The following PARN variants were observed in gnomAD, a reference collection of about 807,000 sequenced individuals.
PARN encodes poly(A)-specific ribonuclease PARN.
PARN carries 71 observed loss-of-function variants against 102.8 expected under a neutral mutation model. The ratio of observed to expected loss-of-function variants is 0.69; its 90% CI spans 0.57 to 0.84. The LOEUF (loss-of-function observed/expected upper bound fraction) is 0.84, where lower values mean the gene tolerates loss of function less well. PARN is among the 40% of genes least tolerant of loss of function. The pLI, the probability that PARN is intolerant of heterozygous loss-of-function variation, is 0.00. For synonymous variants in PARN, 261 were observed against 252.9 expected (o/e 1.03, Z -0.30); for missense variants, 782 against 760.9 (o/e 1.03, Z -0.33).
intron 18 of PARN, among the ~76,000 whole-genome samples, chr16:14,572,591 C>G (rs921111915): frequency 6.6e-6 from 1 of 152,176 alleles, no homozygotes; most frequent in Non-Finnish European, 1.5e-5. Context: ...ATTCAACCCT[C>G]CATACACTGC....
intron 22 of PARN, among the ~76,000 whole-genome samples, chr16:14,482,047 C>A (rs1596484612): frequency 6.6e-6 from 1 of 152,110 alleles, no homozygotes; most frequent in East Asian, 1.9e-4. Context: ...GGTTCTTGCA[C>A]AGAACTGGTG....
At chr16:14,464,627 C>T (rs1211291860) in intron 22 of PARN, among the ~76,000 whole-genome samples, 2 of 152,016 alleles carry the variant, frequency 1.3e-5, no homozygotes, top group Non-Finnish European at 2.9e-5. Flanking sequence ...CGTGGTGGCG[C>T]ACACCTGTAA....
intron 22 of PARN, among the ~76,000 whole-genome samples, chr16:14,467,409 C>A (rs1962425798): frequency 6.6e-6 from 1 of 152,166 alleles, no homozygotes; most frequent in Non-Finnish European, 1.5e-5. Context: ...GAAGACTCTT[C>A]CGGGGTTAAT....
intron 22 of PARN, among the ~76,000 whole-genome samples, chr16:14,457,933 T>TGTGTGTGTGGGG (rs1961762126): frequency 6.8e-6 from 1 of 146,370 alleles, no homozygotes; most frequent in Non-Finnish European, 1.5e-5. Context: ...TGTGTGTGGG[T>TGTGTGTGTGGGG]GTGTGTGTGT....
At chr16:14,617,257 A>G (rs1028767723) in intron 6 of PARN, among the ~76,000 whole-genome samples, 56 of 151,154 alleles carry the variant, frequency 3.7e-4, no homozygotes, top group Admixed American at 1.3e-3. Flanking sequence ...GGTGGCGGGC[A>G]CCTGTAGTCC....
Position 14,604,233 on chromosome 16 carries a change from G to C in PARN, c.703-7C>G, listed in dbSNP as rs1220303511. 3.9e-6 allele frequency: 6 copies of C among 1,525,098 alleles called. No individual in the cohort carries two copies. Among genetic ancestry groups the C allele is most frequent in the South Asian group, 3.6e-5 (3 of 82,842 alleles). The allele number at this position is 1,525,098 out of a possible 1,614,324, so 94.5% of individuals were successfully genotyped here. On this transcript the variant is annotated splice_region_variant and splice_polypyrimidine_tract_variant and intron_variant, in intron 10 of 23. Transcript: ENST00000437198. ...TAACTATATATCGCTCCTTCTAAAAGACATAAAGCAGATATACAATTTTCT... is the reference window on the plus strand; with the variant it reads ...TAACTATATATCGCTCCTTCTAAAACACATAAAGCAGATATACAATTTTCT...
At chr16:14,530,339 C>T (rs892939527) in intron 21 of PARN, among the ~76,000 whole-genome samples, 2 of 152,132 alleles carry the variant, frequency 1.3e-5, no homozygotes, top group Admixed American at 6.5e-5. Context: ...CTGCTTCCCC[C>T]CAGCCCACCA....
At chr16:14,483,363 G>A (rs905986051) in intron 21 of PARN, among the ~76,000 whole-genome samples, 3 of 152,120 alleles carry the variant, frequency 2.0e-5, no homozygotes, top group African/African-American at 7.2e-5. Context: ...TTGCAAGAGA[G>A]GAAATGTTTT....
At chr16:14,545,584 C>T (rs773163400) in intron 21 of PARN, among the ~76,000 whole-genome samples, 2 of 152,196 alleles carry the variant, frequency 1.3e-5, no homozygotes, top group Non-Finnish European at 2.9e-5. Context: ...TGGTTCAAGT[C>T]AATGACTTGC....
intron 8 of PARN, among the ~76,000 whole-genome samples, chr16:14,608,520 G>A (rs1971330176): frequency 6.6e-6 from 1 of 152,188 alleles, no homozygotes; most frequent in East Asian, 1.9e-4. Flanking sequence ...TTAATATTAT[G>A]CTGCTTTTAC....
intron 18 of PARN, among the ~76,000 whole-genome samples, chr16:14,578,829 T>A (rs1324165018): frequency 6.6e-6 from 1 of 152,150 alleles, no homozygotes; most frequent in Non-Finnish European, 1.5e-5. Flanking sequence ...CAACTACTCT[T>A]GGTATGCATC....
chr16:14,441,885 A>C (rs768259355), intron 23 of PARN, among the ~76,000 whole-genome samples: 3 of 152,190 alleles, frequency 2.0e-5, no homozygotes, highest in Admixed American at 2.0e-4. Context: ...TTAGGTTCTA[A>C]ATTTTTATAC....
chr16:14,559,466 T>C (rs1479351070), intron 18 of PARN, among the ~76,000 whole-genome samples: 1 of 152,074 alleles, frequency 6.6e-6, no homozygotes, highest in Non-Finnish European at 1.5e-5. Flanking sequence ...GTAGGGTACG[T>C]GAGATGTTTG....
intron 18 of PARN, among the ~76,000 whole-genome samples, chr16:14,558,096 G>A (rs749748550): frequency 1.3e-5 from 2 of 152,124 alleles, no homozygotes; most frequent in Non-Finnish European, 2.9e-5. Context: ...TTTAGAAATA[G>A]TCTCCAATTC....
At chr16:14,479,778 A>T (rs891484230) in intron 22 of PARN, among the ~76,000 whole-genome samples, 2 of 152,190 alleles carry the variant, frequency 1.3e-5, no homozygotes, top group African/African-American at 2.4e-5. Flanking sequence ...TCTTTTAAAC[A>T]AATTGTTAAA....
In PARN at chr16:14,440,052, C is replaced by A. The variant is rs142978780; in HGVS notation, c.1865-3280G>T. On this transcript the variant is annotated intron_variant, in intron 23 of 23. Coordinates refer to ENST00000437198, the MANE Select transcript of PARN (RefSeq NM_002582.4). ...CAACAACAACAACAAACCACCACCA[C>A]CAACAACAACAAAATGAAAAGAAAA... Among the ~76,000 whole-genome samples, 163 of 151,958 alleles carry A rather than the reference C, an allele frequency of 1.1e-3. 1 individual carries two copies. Among genetic ancestry groups the A allele is most frequent in the African/African-American group, 1.9e-3 (78 of 41,434 alleles).
At chr16:14,566,642 A>C (rs543317452) in intron 18 of PARN, among the ~76,000 whole-genome samples, 1 of 152,354 alleles carries the variant, frequency 6.6e-6, no homozygotes, top group South Asian at 2.1e-4. Context: ...ACTACAGAGG[A>C]GGCAAGTTGC....
chr16:14,458,759 C>T (rs1200398635), intron 22 of PARN, among the ~76,000 whole-genome samples: 3 of 152,122 alleles, frequency 2.0e-5, no homozygotes, highest in African/African-American at 7.2e-5. Flanking sequence ...TAATAGGATC[C>T]CCTACCCCAG....
intron 6 of PARN, among the ~76,000 whole-genome samples, chr16:14,617,298 G>A (rs1298272242): frequency 6.7e-6 from 1 of 150,030 alleles, no homozygotes; most frequent in East Asian, 2.0e-4. Context: ...GTAGGAGAAT[G>A]GTGTGAAACT....
Sources: gnomAD v4.1 joint callset for allele counts (sites outside exome capture counted in the v4.1 genomes callset) on GRCh38, gnomAD v4.1.1 for gene constraint, MANE v1.5 for transcripts, NCBI Gene and HGNC (gene_info 2026-07-23, HGNC 2026-07-21) for gene names.